The following STK39 variants were observed in gnomAD, a reference collection of about 807,000 sequenced individuals.
STK39 encodes the protein serine/threonine kinase 39.
STK39 carries 20 observed loss-of-function variants against 77.8 expected under a neutral mutation model. The ratio of observed to expected loss-of-function variants is 0.26; its 90% CI spans 0.18 to 0.37. The LOEUF (loss-of-function observed/expected upper bound fraction) is 0.37. STK39 is among the 10% of genes least tolerant of loss of function. The pLI is 1.00. For missense variants in STK39, 479 were observed against 656.5 expected (o/e 0.73, Z 2.95); for synonymous variants, 246 against 234.1 (o/e 1.05, Z -0.47).
chr2:168,009,216 G>C (rs767281836), intron 16 of STK39, among the ~76,000 whole-genome samples: 3 of 152,034 alleles, frequency 2.0e-5, no homozygotes, highest in Non-Finnish European at 4.4e-5. Flanking sequence ...GAAGATAAGA[G>C]AAATAAAAAC....
At chr2:168,001,512 CT>C (rs150832001) in intron 16 of STK39, among the ~76,000 whole-genome samples, 176 of 110,918 alleles carry the variant, frequency 1.6e-3, no homozygotes, top group Admixed American at 1.9e-3. Flanking sequence ...AGAAAGTCCT[CT>C]TTTTTTAAAA....
chr2:168,246,631 G>A (rs1400091381), intron 1 of STK39, among the ~76,000 whole-genome samples: 1 of 152,208 alleles, frequency 6.6e-6, no homozygotes, highest in Non-Finnish European at 1.5e-5. Context: ...CTGCAAGGCG[G>A]GCGTGGAGTG....
At chr2:168,177,474 T>C (rs73029298) in intron 2 of STK39, among the ~76,000 whole-genome samples, 14,060 of 152,104 alleles carry the variant, frequency 0.092, 1,232 homozygotes, top group East Asian at 0.31. Flanking sequence ...CTAAAAGTCA[T>C]AAAGTCAAAT....
At chr2:168,008,253 GA>G (rs1684181911) in intron 16 of STK39, among the ~76,000 whole-genome samples, 1 of 152,234 alleles carries the variant, frequency 6.6e-6, no homozygotes, top group South Asian at 2.1e-4. Context: ...ATGAATACAA[GA>G]ACTCAACTGG....
intron 10 of STK39, among the ~76,000 whole-genome samples, chr2:168,107,928 G>C (rs1161766538): frequency 6.6e-6 from 1 of 152,128 alleles, no homozygotes; most frequent in Non-Finnish European, 1.5e-5. Flanking sequence ...CATTTACCGA[G>C]GAATCCAGTT....
intron 5 of STK39, among the ~76,000 whole-genome samples, chr2:168,150,339 T>C (rs939548962): frequency 9.2e-5 from 14 of 152,168 alleles, no homozygotes; most frequent in Non-Finnish European, 1.8e-4. Flanking sequence ...ACATAAATCA[T>C]ATCCCACACA....
intron 14 of STK39, among the ~76,000 whole-genome samples, chr2:168,036,305 T>C (rs933718956): frequency 6.6e-6 from 1 of 151,872 alleles, no homozygotes; most frequent in Admixed American, 6.6e-5. Flanking sequence ...TGACCCCCAA[T>C]CACTCTATTC....
intron 2 of STK39, among the ~76,000 whole-genome samples, chr2:168,171,868 C>A (rs1297676562): frequency 2.5e-5 from 3 of 121,020 alleles, no homozygotes; most frequent in Non-Finnish European, 4.9e-5. Flanking sequence ...CCCCTCCCCC[C>A]CACACACAAA....
chr2:168,047,399 C>T (rs970922332), intron 14 of STK39, among the ~76,000 whole-genome samples: 6 of 152,122 alleles, frequency 3.9e-5, no homozygotes, highest in Non-Finnish European at 8.8e-5. Flanking sequence ...ACTTCTCTTT[C>T]GGGGGAGGGA....
chr2:168,233,256 C>T (rs1445680648), intron 1 of STK39, among the ~76,000 whole-genome samples: 1 of 152,160 alleles, frequency 6.6e-6, no homozygotes, highest in African/African-American at 2.4e-5. Context: ...TGTTTAAGGT[C>T]AGGCACTGGG....
intron 2 of STK39, among the ~76,000 whole-genome samples, chr2:168,175,831 G>A (rs891476421): frequency 8.5e-5 from 13 of 152,066 alleles, no homozygotes; most frequent in Admixed American, 2.6e-4. Context: ...TTTAATGGCC[G>A]AGACTTGAAA....
At chr2:168,221,324 C>T (rs1690162890) in intron 1 of STK39, among the ~76,000 whole-genome samples, 1 of 152,182 alleles carries the variant, frequency 6.6e-6, no homozygotes, top group South Asian at 2.1e-4. Flanking sequence ...CAAGCTAGAA[C>T]ATTATGTTAA....
chr2:168,194,933 T>A (rs1049641999), intron 1 of STK39, among the ~76,000 whole-genome samples: 1 of 152,230 alleles, frequency 6.6e-6, no homozygotes, highest in Non-Finnish European at 1.5e-5. Context: ...TCCCCAGATG[T>A]ATGACACATC....
intron 1 of STK39, among the ~76,000 whole-genome samples, chr2:168,201,072 T>G (rs1284614619): frequency 6.6e-6 from 1 of 152,226 alleles, no homozygotes; most frequent in Admixed American, 6.5e-5. Flanking sequence ...CGACAGGACT[T>G]TAAAGGAAGT....
chr2:168,189,309 A>G (rs1299093930), intron 1 of STK39, among the ~76,000 whole-genome samples: 1 of 152,134 alleles, frequency 6.6e-6, no homozygotes, highest in Non-Finnish European at 1.5e-5. Context: ...AGAAAAATAA[A>G]AAGTAGTCCT....
chr2:168,124,686 A>T lies in STK39; in HGVS notation c.1089+4855T>A, dbSNP rs1033452251. ...AGTGCTGGGATTACAGGTGTGAGCC[A>T]CTGCGCCCAACCCATATGTTGGTTT... On this transcript the variant is annotated intron_variant, in intron 10 of 17. Transcript: ENST00000355999. Among the ~76,000 whole-genome samples, 3 of 152,192 alleles carry T rather than the reference A, an allele frequency of 2.0e-5. No homozygotes were observed. The East Asian group carries it at 5.8e-4, about 29-fold the overall frequency.
At chr2:168,216,865 C>T (rs1690038452) in intron 1 of STK39, among the ~76,000 whole-genome samples, 1 of 152,206 alleles carries the variant, frequency 6.6e-6, no homozygotes. Flanking sequence ...TGACTACCTG[C>T]ATACCTGCCC....
At chr2:168,240,977 AT>A (rs1394516849) in intron 1 of STK39, among the ~76,000 whole-genome samples, 7 of 152,236 alleles carry the variant, frequency 4.6e-5, no homozygotes, top group Non-Finnish European at 8.8e-5. Context: ...AGTCACAGTG[AT>A]TTCAGAGAGT....
chr2:168,014,741 T>G (rs1684363521), intron 15 of STK39, among the ~76,000 whole-genome samples: 1 of 152,218 alleles, frequency 6.6e-6, no homozygotes, highest in African/African-American at 2.4e-5. Flanking sequence ...ATCTTTCTAC[T>G]GATTGGTCAT....
Sources: gnomAD v4.1 joint callset for allele counts (sites outside exome capture counted in the v4.1 genomes callset) on GRCh38, gnomAD v4.1.1 for gene constraint, MANE v1.5 for transcripts, NCBI Gene and HGNC (gene_info 2026-07-23, HGNC 2026-07-21) for gene names.